Variants in WAC observed in about 807,000 individuals in gnomAD.
The protein encoded by WAC is WW domain-containing adapter protein with coiled-coil.
In WAC, 11 loss-of-function variants were observed where a neutral mutation model predicts 79.6. The observed-to-expected ratio is 0.14, with a 90% confidence interval of 0.09 to 0.23. The LOEUF is 0.23. WAC is among the 10% of genes least tolerant of loss of function. The probability of loss-of-function intolerance (pLI) is 1.00; values close to 1 mark genes in which losing one functional copy is unlikely to be tolerated. For synonymous variants in WAC, 304 were observed against 276.9 expected (o/e 1.10, Z -0.97); for missense variants, 728 against 773.5 (o/e 0.94, Z 0.70).
intron 4 of WAC, chr10:28,589,330 A>G (rs1839977816): frequency 6.5e-6 from 1 of 154,814 alleles, no homozygotes; most frequent in African/African-American, 2.4e-5. Context: ...TTTATACCAT[A>G]TATAATTAGT....
At chr10:28,565,943 A>T (rs1331490986) in intron 3 of WAC, among the ~76,000 whole-genome samples, 2 of 152,190 alleles carry the variant, frequency 1.3e-5, no homozygotes, top group Non-Finnish European at 2.9e-5. Flanking sequence ...AAAATATTAG[A>T]GTGTGCAGAA....
intron 4 of WAC, 68 bp downstream of exon 4, chr10:28,583,573 A>G (rs902203904): frequency 1.8e-5 from 19 of 1,053,742 alleles, no homozygotes; most frequent in Middle Eastern, 2.2e-4. Flanking sequence ...AAAAAATACA[A>G]CCCATGGCAA....
chr10:28,614,372 C>T (rs1307867239), intron 10 of WAC, among the ~76,000 whole-genome samples, 195 bp from the exon 11 acceptor site: 1 of 152,230 alleles, frequency 6.6e-6, no homozygotes, highest in Non-Finnish European at 1.5e-5. Context: ...GGATTACAGG[C>T]GTGAGCCACC....
At chr10:28,607,053 C>T (rs908511759) in intron 7 of WAC, among the ~76,000 whole-genome samples, 1 of 152,184 alleles carries the variant, frequency 6.6e-6, no homozygotes, top group Non-Finnish European at 1.5e-5. Flanking sequence ...ATTTCCTAGG[C>T]ATTCAAGTTC....
At chr10:28,540,593 CAT>C (rs1035146834) in intron 3 of WAC, among the ~76,000 whole-genome samples, 1 of 152,154 alleles carries the variant, frequency 6.6e-6, no homozygotes, top group African/African-American at 2.4e-5. Flanking sequence ...CTTAATCCCT[CAT>C]ATTTAAAGAC....
chr10:28,587,472 G>A (rs1448267438), intron 4 of WAC, among the ~76,000 whole-genome samples: 1 of 152,204 alleles, frequency 6.6e-6, no homozygotes, highest in Non-Finnish European at 1.5e-5. Context: ...GTGAAAGGCT[G>A]TTGGGGTTCC....
At chr10:28,560,313 C>G (rs1838231199) in intron 3 of WAC, among the ~76,000 whole-genome samples, 1 of 152,090 alleles carries the variant, frequency 6.6e-6, no homozygotes. Context: ...GCGAGCCGTC[C>G]TGATGCCACT....
At chr10:28,547,741 A>G (rs1229589176) in intron 3 of WAC, among the ~76,000 whole-genome samples, 1 of 151,824 alleles carries the variant, frequency 6.6e-6, no homozygotes, top group African/African-American at 2.4e-5. Context: ...ACCCATTGGG[A>G]TGTATGACTC....
chr10:28,574,579 A>G (rs1839148136), intron 3 of WAC, among the ~76,000 whole-genome samples: 1 of 150,892 alleles, frequency 6.6e-6, no homozygotes. Context: ...AGTAGCTGGG[A>G]CTACAGGCAC....
intron 3 of WAC, among the ~76,000 whole-genome samples, chr10:28,563,143 G>GA (rs1243903582): frequency 6.6e-6 from 1 of 152,080 alleles, no homozygotes; most frequent in Admixed American, 6.6e-5. Context: ...GACCTCAAGT[G>GA]ATCTGCCTGC....
intron 7 of WAC, among the ~76,000 whole-genome samples, chr10:28,599,727 G>T (rs1269588646): frequency 6.6e-6 from 1 of 152,226 alleles, no homozygotes; most frequent in African/African-American, 2.4e-5. Flanking sequence ...GCCTGCATGA[G>T]TAGTCAGAAC....
intron 3 of WAC, among the ~76,000 whole-genome samples, chr10:28,582,488 G>A (rs1209949463): frequency 6.6e-6 from 1 of 151,970 alleles, no homozygotes; most frequent in Non-Finnish European, 1.5e-5. Flanking sequence ...GATAATTCCT[G>A]GACCACTGGA....
At chr10:28,591,052 A>G (rs1290105475) in intron 6 of WAC, 2 of 445,806 alleles carry the variant, frequency 4.5e-6, no homozygotes, top group Non-Finnish European at 8.0e-6. Context: ...ACTACACATT[A>G]TGGCTATAAT....
At chr10:28,592,036 A>C (rs1216195636) in intron 6 of WAC, among the ~76,000 whole-genome samples, 1 of 152,084 alleles carries the variant, frequency 6.6e-6, no homozygotes, top group Non-Finnish European at 1.5e-5. Context: ...ATGGGAGAAA[A>C]TATTTAAGAT....
intron 3 of WAC, among the ~76,000 whole-genome samples, chr10:28,536,926 C>T (rs986129078): frequency 6.6e-6 from 1 of 152,056 alleles, no homozygotes; most frequent in African/African-American, 2.4e-5. Context: ...GACTTTTTGC[C>T]CCTATTGGCA....
In WAC at chr10:28,554,430, C is replaced by T. The variant is rs142240146; in HGVS notation, c.274+18673C>T. On this transcript the variant is annotated intron_variant, in intron 3 of 13. Coordinates refer to ENST00000354911, the MANE Select transcript of WAC (RefSeq NM_016628.5). Reference sequence around the variant, plus strand: ...TTCTGTTGCTGTGGAATGGAAGGAACTACTGAGGTTTAATAAAACTTAAGA... The same window carrying T: ...TTCTGTTGCTGTGGAATGGAAGGAATTACTGAGGTTTAATAAAACTTAAGA... Among the ~76,000 whole-genome samples, 38 of 152,286 alleles carry T rather than the reference C, an allele frequency of 2.5e-4. 1 individual carries two copies. In the East Asian group the frequency reaches 6.7e-3, roughly 27 times the overall value.
At chr10:28,602,020 T>C (rs1012417373) in intron 7 of WAC, among the ~76,000 whole-genome samples, 3 of 152,156 alleles carry the variant, frequency 2.0e-5, no homozygotes. Flanking sequence ...ACTTGTAAAA[T>C]GGTTAAAATA....
intron 7 of WAC, among the ~76,000 whole-genome samples, chr10:28,605,761 C>T (rs2132785463): frequency 6.6e-6 from 1 of 152,126 alleles, no homozygotes; most frequent in African/African-American, 2.4e-5. Context: ...GATTTGGTAG[C>T]ACCAAATAAA....
intron 8 of WAC, among the ~76,000 whole-genome samples, chr10:28,608,858 A>G (rs920260652): frequency 4.6e-5 from 7 of 152,210 alleles, no homozygotes; most frequent in African/African-American, 1.4e-4. Flanking sequence ...GTAGGAATTC[A>G]GGTAGCTACT....
Sources: gnomAD v4.1 joint callset for allele counts (sites outside exome capture counted in the v4.1 genomes callset) on GRCh38, gnomAD v4.1.1 for gene constraint, MANE v1.5 for transcripts, NCBI Gene and HGNC (gene_info 2026-07-23, HGNC 2026-07-21) for gene names.